Variants in PCDHA5 observed in about 807,000 individuals in gnomAD.
The protein encoded by PCDHA5 is protocadherin alpha 5.
In PCDHA5, 43 loss-of-function variants were observed where a neutral mutation model predicts 61.6. That is an observed-to-expected ratio of 0.70 (90% CI 0.55 to 0.90). The LOEUF is 0.90. Ranked by LOEUF, PCDHA5 falls within the 40% of genes least tolerant of loss-of-function variation. The pLI is 0.00. For missense variants in PCDHA5, 1,298 were observed against 1,222.7 expected (o/e 1.06, Z -0.92); for synonymous variants, 627 against 543.9 (o/e 1.15, Z -2.13).
In PCDHA5 at chr5:140,971,294, T is replaced by C. The variant is rs3776113; in HGVS notation, c.2353-7655T>C. Reference sequence around the variant, plus strand: ...CTGACCTGTATATTAATATGTACTTTGGTACACAAACATTTAATCTAGGGA... The same window carrying C: ...CTGACCTGTATATTAATATGTACTTCGGTACACAAACATTTAATCTAGGGA... On this transcript the variant is annotated intron_variant, in intron 1 of 3. Transcript: ENST00000529859. Among the ~76,000 whole-genome samples the C allele has an allele frequency of 6.4e-4, 97 of 152,362 alleles. No individual in the cohort carries two copies. In the East Asian group the frequency reaches 0.018, roughly 28 times the overall value.
intron 1 of PCDHA5, among the ~76,000 whole-genome samples, chr5:140,905,993 TG>T (rs1314051308): frequency 6.6e-6 from 1 of 152,176 alleles, no homozygotes; most frequent in African/African-American, 2.4e-5. Flanking sequence ...AGATGTAGGC[TG>T]GGAGGCTAAG....
At chr5:140,869,932 G>A (rs1291685236) in intron 1 of PCDHA5, 45 of 1,611,630 alleles carry the variant, frequency 2.8e-5, no homozygotes, top group Non-Finnish European at 3.5e-5. Context: ...CAATGGAGAG[G>A]TAACATACTC....
In PCDHA5 at chr5:140,987,075, G is replaced by A. The variant is rs564788093; in HGVS notation, c.2500+4512G>A. On this transcript the variant is annotated intron_variant, in intron 3 of 3. Coordinates refer to ENST00000529859, the MANE Select transcript of PCDHA5 (RefSeq NM_018908.3). ...CTAAAGTTACAAAAATGAGCTGGGC[G>A]TGGTGGCAGGTGCCTGTAATCCCAG... is the stretch of plus-strand genomic sequence containing the variant. Among the ~76,000 whole-genome samples the A allele has an allele frequency of 3.7e-4, 57 of 152,124 alleles. No individual in the cohort carries two copies. In the East Asian group the frequency reaches 9.9e-3, roughly 26 times the overall value.
At chr5:140,852,885 A>AT (rs2150523673) in intron 1 of PCDHA5, 18,210 of 741,434 alleles carry the variant, frequency 0.025, 18 homozygotes, top group Non-Finnish European at 0.027. Context: ...CATAAAACGT[A>AT]TTTTTTTTTT....
At chr5:140,982,439 G>T in intron 2 of PCDHA5, 36 bp from the exon 3 acceptor site, 1 of 1,613,560 alleles carries the variant, frequency 6.2e-7, no homozygotes, top group Non-Finnish European at 8.5e-7. Context: ...AAGAATTTAT[G>T]ATCTAACCGT....
intron 1 of PCDHA5, chr5:140,877,006 G>A: frequency 6.2e-7 from 1 of 1,612,484 alleles, no homozygotes; most frequent in Non-Finnish European, 8.5e-7. Flanking sequence ...GTCGGTGCAC[G>A]CGGAGAGCGG....
rs188500854 is a variant in PCDHA5 at position 140,955,348 on chromosome 5, G to C, written c.2353-23601G>C. ...GTAGTTCCCATAATCCCCACATGTT[G>C]TGAGAGGGACCCAGTGGGAGGTAAT... On this transcript the variant is annotated intron_variant, in intron 1 of 3. Coordinates refer to ENST00000529859, the MANE Select transcript of PCDHA5 (RefSeq NM_018908.3). Among the ~76,000 whole-genome samples the C allele has an allele frequency of 1.6e-4, 24 of 152,204 alleles. No individual in the cohort carries two copies. The East Asian group carries it at 2.7e-3, about 17-fold the overall frequency.
intron 1 of PCDHA5, chr5:140,849,778 G>C (rs2150449659): frequency 1.9e-6 from 3 of 1,598,508 alleles, no homozygotes; most frequent in Non-Finnish European, 2.6e-6. Context: ...GTTACCGCGC[G>C]GGACGGGGGC....
intron 1 of PCDHA5, chr5:140,927,058 C>T (rs376173105): frequency 1.2e-6 from 2 of 1,611,256 alleles, no homozygotes; most frequent in African/African-American, 1.3e-5. Flanking sequence ...GCGGAACTTT[C>T]GCTTCCTTTC....
In PCDHA5 at chr5:141,010,994, G is replaced by A. The variant is rs1338532762; in HGVS notation, c.*1057G>A. ...TTTAAGAGAATTGCCTGAAACATCTGTATTATATCGGCCACCTGCCAATCA... is the reference window on the plus strand; with the variant it reads ...TTTAAGAGAATTGCCTGAAACATCTATATTATATCGGCCACCTGCCAATCA... On this transcript the variant is annotated 3_prime_UTR_variant, in exon 4 of 4. Transcript: ENST00000529859. The A allele has an allele frequency of 6.5e-6, 1 of 153,710 alleles. No homozygotes were observed. The highest frequency in any genetic ancestry group is 1.5e-5 in the Non-Finnish European group (1 of 68,046). The allele number at this position is 153,710 out of a possible 1,614,324, so 9.5% of individuals were successfully genotyped here.
intron 1 of PCDHA5, chr5:140,851,030 T>G (rs1462203945): frequency 1.4e-6 from 2 of 1,410,502 alleles, no homozygotes; most frequent in Non-Finnish European, 1.9e-6. Context: ...AGTAAACCCC[T>G]TAACATTGGA....
intron 1 of PCDHA5, chr5:140,835,180 C>A: frequency 6.6e-7 from 1 of 1,515,706 alleles, no homozygotes; most frequent in Non-Finnish European, 8.9e-7. Context: ...CACCCCAATG[C>A]CTCAGATTTA....
chr5:140,892,580 A>G (rs1462175198), intron 1 of PCDHA5, among the ~76,000 whole-genome samples: 1 of 152,198 alleles, frequency 6.6e-6, no homozygotes, highest in African/African-American at 2.4e-5. Context: ...AGTATATCTC[A>G]GTATTCATTC....
rs781841380 is a variant in PCDHA5 at position 140,857,728 on chromosome 5, C to A, written c.2352+33601C>A. 89 of 1,597,306 alleles carry A rather than the reference C, an allele frequency of 5.6e-5. 11 individuals are homozygous for A. Among genetic ancestry groups the A allele is most frequent in the Non-Finnish European group, 7.3e-5 (85 of 1,167,718 alleles). On this transcript the variant is annotated intron_variant, in intron 1 of 3. Transcript: ENST00000529859. ...TGTTCGTGCTGGACGAGAACGACAA[C>A]GCTCCCGCGCTGCTGGCGTCTCCCG...
chr5:140,979,074 C>T, intron 2 of PCDHA5, 67 bp downstream of exon 2: 4 of 1,583,968 alleles, frequency 2.5e-6, no homozygotes, highest in Non-Finnish European at 2.6e-6. Context: ...TAAACTGCAT[C>T]TCCATAGGCC....
At chr5:141,002,676 T>C (rs2098090585) in intron 3 of PCDHA5, among the ~76,000 whole-genome samples, 1 of 152,196 alleles carries the variant, frequency 6.6e-6, no homozygotes, top group Non-Finnish European at 1.5e-5. Context: ...CCAAAACCTA[T>C]ACGACGTGCA....
chr5:140,926,703 C>G (rs2083476417), intron 1 of PCDHA5: 2 of 835,304 alleles, frequency 2.4e-6, no homozygotes, highest in Admixed American at 7.4e-5. Context: ...CGGCTCCCAG[C>G]TGGCCAGCCC....
At chr5:140,883,897 G>A in intron 1 of PCDHA5, 1 of 1,613,332 alleles carries the variant, frequency 6.2e-7, no homozygotes, top group Non-Finnish European at 8.5e-7. Flanking sequence ...CTGGCGTGCC[G>A]CCTCTGGGCA....
At chr5:140,961,271 AC>A (rs1460316643) in intron 1 of PCDHA5, among the ~76,000 whole-genome samples, 1 of 152,208 alleles carries the variant, frequency 6.6e-6, no homozygotes, top group Non-Finnish European at 1.5e-5. Context: ...GCTTCTTTTT[AC>A]CATGGCTCTG....
Sources: allele counts gnomAD v4.1 joint callset (sites outside exome capture counted in the v4.1 genomes callset), GRCh38; gene constraint gnomAD v4.1.1; transcripts MANE v1.5; gene names NCBI Gene and HGNC (gene_info 2026-07-23, HGNC 2026-07-21).